FLG: variants seen among roughly 807,000 people sequenced by gnomAD.
FLG encodes filaggrin, also known as epidermal filaggrin.
Under a neutral mutation model 3.8 loss-of-function variants are expected in FLG, and 6 were observed. The ratio of observed to expected loss-of-function variants is 1.60; its 90% CI spans 0.87 to 3.15. The LOEUF is 3.15. FLG is among the 30% of genes most tolerant of loss of function. FLG has a pLI of 0.00. For missense variants in FLG, 7,595 were observed against 5,050.9 expected, an observed-to-expected ratio of 1.50 and a Z score of -15.27; for synonymous variants, 2,551 against 1,931.6, an observed-to-expected ratio of 1.32 and a Z score of -8.41.
rs1201781107 is a variant in FLG at position 152,304,760 on chromosome 1, A to C, written c.10126T>G (p.Ser3376Ala). The change falls in exon 3 of 3, where the codon TCA (serine) becomes GCA (alanine). Residue 3376 changes from serine (S) to alanine (A), a missense_variant. Ser to Ala is a moderately conservative substitution (Grantham distance 99). Transcript: ENST00000368799. ...QSHQESARDR[S>A]GGRSGRSGSF... is the part of the protein sequence containing the mutation. ...CCTGAACGTCCAGACCTTCCCCCTG[A>C]CCGGTCACGTGCGGACTCTTGGTGG... 3.7e-6 allele frequency: 6 copies of C among 1,612,348 alleles called. No individual in the cohort carries two copies. The highest frequency in any genetic ancestry group is 5.1e-6 in the Non-Finnish European group (6 of 1,179,634).
Position 152,310,207 on chromosome 1 carries a change from C to A in FLG, c.4679G>T (p.Arg1560Leu), listed in dbSNP as rs376401439. The A allele has an allele frequency of 5.6e-6, 9 of 1,613,584 alleles. No homozygotes were observed. Among genetic ancestry groups the A allele is most frequent in the African/African-American group, 2.7e-5 (2 of 74,828 alleles). ...SGDGSRHSGS[R>L]HHEPSTRAGS... is the part of the protein sequence containing the mutation. Reference sequence around the variant, plus strand: ...GGCCCGAGTGGAAGGTTCATGGTGACGTGACCCTGAGTGCCTGGAGCCGTC... The same window carrying A: ...GGCCCGAGTGGAAGGTTCATGGTGAAGTGACCCTGAGTGCCTGGAGCCGTC... The change falls in exon 3 of 3, where the codon CGT becomes CTT. Residue 1560 changes from arginine (R) to leucine (L), a missense_variant. Physicochemically the swap from Arg to Leu is moderately radical, Grantham distance 102 (BLOSUM62 -2). Transcript: ENST00000368799.
At position 152,311,736 on chromosome 1, in the gene FLG, C is replaced by T. The variant is rs149376159; in HGVS notation, c.3150G>A (p.Pro1050=). The stretch of plus-strand genomic sequence containing the variant: ...TGACTGCAGATGAAGCTTGTCTGCG[C>T]GGAATGCCTGAGTGTCTGGAGCTGT... ...SADSSRHSGI[P]RRQASSAVRD... is the part of the protein sequence containing the mutation. Residue 1050 remains proline (P), a synonymous_variant, in exon 3 of 3, where the codon CCG becomes CCA. Transcript: ENST00000368799. 67 of 1,613,906 alleles carry T rather than the reference C, an allele frequency of 4.2e-5. No individual in the cohort carries two copies. The East Asian group carries it at 7.8e-4, about 19-fold the overall frequency.
rs1451611611 is a variant in FLG, at chr1:152,315,352, T to C, written c.105A>G (p.Glu35=). 6.8e-6 allele frequency: 11 copies of C among 1,613,330 alleles called. No homozygotes were observed. Among genetic ancestry groups the C allele is most frequent in the Admixed American group, 1.7e-5 (1 of 59,998 alleles). The part of the protein sequence containing the change: ...TDTLSKKELK[E]LLEKEFRQIL... ...TTTGCCGAAATTCCTTTTCCAGAAG[T>C]TCCTTCAGCTCTTTTTTACTCAATG... Residue 35 remains glutamate (E), a synonymous_variant, in exon 2 of 3, where the codon GAA becomes GAG. Coordinates refer to ENST00000368799, the MANE Select transcript of FLG (RefSeq NM_002016.2).
chr1:152,320,343 TA>T (rs59475157), intron 1 of FLG, among the ~76,000 whole-genome samples: 1,726 of 150,756 alleles, frequency 0.011, 27 homozygotes, highest in African/African-American at 0.039. Context: ...CAGACTGGAT[TA>T]AAAAAAACCA....
rs763326024 is a variant in FLG at position 152,305,006 on chromosome 1, C to G, written c.9880G>C (p.Ala3294Pro). The G allele has an allele frequency of 1.2e-6, 2 of 1,613,736 alleles. No individual in the cohort carries two copies. Among genetic ancestry groups the G allele is most frequent in the South Asian group, 2.2e-5 (2 of 91,010 alleles). ...GGQAASSHEQ[A>P]RSSPGERHGS... is the part of the protein sequence containing the mutation. ...TGTCTCTCTCCTGGACTTGATCTTG[C>G]CTGTTCATGGGATGATGCAGCCTGT... Residue 3294 changes from alanine to proline, a missense_variant, in exon 3 of 3, where the codon GCA (alanine) becomes CCA (proline). By Grantham distance (27) the Ala-to-Pro change is conservative. Coordinates refer to ENST00000368799, the MANE Select transcript of FLG (RefSeq NM_002016.2).
At position 152,311,201 on chromosome 1, in the gene FLG, C is replaced by T. The variant is rs377533309; in HGVS notation, c.3685G>A (p.Gly1229Ser). 2.3e-5 allele frequency: 37 copies of T among 1,612,696 alleles called. No individual in the cohort carries two copies. The highest frequency in any genetic ancestry group is 5.4e-5 in the African/African-American group (4 of 74,496). Residue 1229 changes from glycine (G) to serine (S), a missense_variant, in exon 3 of 3, where the codon GGC (glycine) becomes AGC (serine). Coordinates refer to ENST00000368799, the MANE Select transcript of FLG (RefSeq NM_002016.2). ...QTRKDKQSGD[G>S]SRHSGSRHHE... ...TGACGTGACCCTGAGTGCCTGGAGCCGTCTCCTGATTGTTTGTCCTTACGA... is the reference window on the plus strand; with the variant it reads ...TGACGTGACCCTGAGTGCCTGGAGCTGTCTCCTGATTGTTTGTCCTTACGA...
At position 152,307,077 on chromosome 1, in the gene FLG, G is replaced by T. The variant is rs556307725; in HGVS notation, c.7809C>A (p.Ser2603=). 1 of 1,609,806 alleles carries T rather than the reference G, an allele frequency of 6.2e-7. No individual in the cohort carries two copies. The highest frequency in any genetic ancestry group is 2.2e-5 in the East Asian group (1 of 44,660). ...GSAQEQLRDG[S]RHPRSHQEDR... Reference sequence around the variant, plus strand: ...CTTCTTGATGGGACCTGGGGTGTCTGGAGCCATCTCTTAGCTGCTCCTGAG... The same window carrying T: ...CTTCTTGATGGGACCTGGGGTGTCTTGAGCCATCTCTTAGCTGCTCCTGAG... Residue 2603 remains serine (S), a synonymous_variant, in exon 3 of 3, where the codon TCC becomes TCA. Coordinates refer to ENST00000368799, the MANE Select transcript of FLG (RefSeq NM_002016.2).
rs1437394718 is a variant in FLG, at chr1:152,311,784, T to G, written c.3102A>C (p.Gly1034=). Residue 1034 remains glycine (G), a synonymous_variant, in exon 3 of 3, where the codon GGA becomes GGC. Transcript: ENST00000368799. ...TGTCTGCTGACTGCTGGTGGCGGGATCCGTGTCTTTCTCCTGGACTTGATC... is the reference window on the plus strand; with the variant it reads ...TGTCTGCTGACTGCTGGTGGCGGGAGCCGTGTCTTTCTCCTGGACTTGATC... ...QARSSPGERH[G]SRHQQSADSS... 6.2e-7 allele frequency: 1 copy of G among 1,613,996 alleles called. No individual in the cohort carries two copies. Among genetic ancestry groups the G allele is most frequent in the Non-Finnish European group, 8.5e-7 (1 of 1,180,016 alleles).
rs1189371852 is a variant in FLG at position 152,312,008 on chromosome 1, C to G, written c.2878G>C (p.Glu960Gln). 2 of 1,614,000 alleles carry G rather than the reference C, an allele frequency of 1.2e-6. No individual in the cohort carries two copies. Among genetic ancestry groups the G allele is most frequent in the African/African-American group, 1.3e-5 (1 of 74,918 alleles). The change falls in exon 3 of 3, where the codon GAG becomes CAG. Residue 960 changes from glutamate (E) to glutamine (Q), a missense_variant. By Grantham distance (29) the Glu-to-Gln change is conservative. Coordinates refer to ENST00000368799, the MANE Select transcript of FLG (RefSeq NM_002016.2). ...SDSEGHSEDSERWSGSASRNH... is the reference protein window; with the variant it reads ...SDSEGHSEDSQRWSGSASRNH... Reference sequence around the variant, plus strand: ...CTGGAAGCAGACCCAGACCACCTCTCAGAGTCTTCTGAATGTCCCTCACTG... The same window carrying G: ...CTGGAAGCAGACCCAGACCACCTCTGAGAGTCTTCTGAATGTCCCTCACTG...
At position 152,311,777 on chromosome 1, in the gene FLG, G is replaced by A. The variant is rs750184802; in HGVS notation, c.3109C>T (p.His1037Tyr). ...SSPGERHGSR[H>Y]QQSADSSRHS... ...CTGGAGCTGTCTGCTGACTGCTGGT[G>A]GCGGGATCCGTGTCTTTCTCCTGGA... Residue 1037 changes from histidine (H) to tyrosine (Y), a missense_variant, in exon 3 of 3, where the codon CAC becomes TAC. His to Tyr is a moderately conservative substitution (Grantham distance 83). Transcript: ENST00000368799. 20 of 1,613,972 alleles carry A rather than the reference G, an allele frequency of 1.2e-5. No homozygotes were observed. The highest frequency in any genetic ancestry group is 1.5e-5 in the Non-Finnish European group (18 of 1,180,014).
At chr1:152,323,769 C>T (rs1653055890) in intron 1 of FLG, among the ~76,000 whole-genome samples, 2 of 151,400 alleles carry the variant, frequency 1.3e-5, no homozygotes, top group African/African-American at 4.8e-5. Context: ...TAGCGATTTA[C>T]TCTTAGGAAT....
In FLG at chr1:152,304,653, T is replaced by G. The variant is rs1389202716; in HGVS notation, c.10233A>C (p.Gln3411His). Residue 3411 changes from glutamine (Q) to histidine (H), a missense_variant, in exon 3 of 3, where the codon CAA (glutamine) becomes CAC (histidine). By Grantham distance (24) the Gln-to-His change is conservative (BLOSUM62 0). Transcript: ENST00000368799. ...GRTRTSTGRR[Q>H]GSHHEQARDS... ...CTCGTGCCTGCTCGTGGTGGGATCC[T>G]TGTCTTCGTCCAGTGCTGGTCCTGG... 4 of 1,611,846 alleles carry G rather than the reference T, an allele frequency of 2.5e-6. No homozygotes were observed. The African/African-American group carries it at 5.4e-5, about 22-fold the overall frequency.
rs267598031 is a variant in FLG, at chr1:152,313,355, C to T, written c.1531G>A (p.Glu511Lys). Reference protein sequence around the residue: ...RDSSRHSASQEGQDTIRGHPG... With the variant: ...RDSSRHSASQKGQDTIRGHPG... The stretch of plus-strand genomic sequence containing the variant: ...TGTCCACGAATGGTGTCCTGACCCT[C>T]TTGGGACGCTGAATGCCTGGAGCTG... Residue 511 changes from glutamate (E) to lysine (K), a missense_variant, in exon 3 of 3, where the codon GAG becomes AAG. Transcript: ENST00000368799. 3.8e-5 allele frequency: 62 copies of T among 1,613,438 alleles called. No individual in the cohort carries two copies. The South Asian group carries it at 4.9e-4, about 13-fold the overall frequency.
At position 152,315,391 on chromosome 1, in the gene FLG, A is replaced by T. The variant is rs765977346; in HGVS notation, c.66T>A (p.Asp22Glu). The change falls in exon 2 of 3, where the codon GAT (aspartate) becomes GAA (glutamate). Residue 22 changes from aspartate to glutamate, a missense_variant. Transcript: ENST00000368799. The stretch of plus-strand genomic sequence containing the variant: ...TTTTACTCAATGTGTCAGTGTTTTT[A>T]TCTTTTTTTGAATATTGCTTGAAAA... ...INLFKQYSKK[D>E]KNTDTLSKKE... 6.2e-7 allele frequency: 1 copy of T among 1,612,436 alleles called. No individual in the cohort carries two copies. The highest frequency in any genetic ancestry group is 1.1e-5 in the South Asian group (1 of 90,756).
At position 152,307,321 on chromosome 1, in the gene FLG, T is replaced by G; in HGVS notation, c.7565A>C (p.Gln2522Pro). The change falls in exon 3 of 3, where the codon CAA (glutamine) becomes CCA (proline). Residue 2522 changes from glutamine to proline, a missense_variant. Transcript: ENST00000368799. ...TGAGTGCCTGGAGCCGTCTCCTGATTGTTCATCGTTACGAGTTTGTCTGCT... is the reference window on the plus strand; with the variant it reads ...TGAGTGCCTGGAGCCGTCTCCTGATGGTTCATCGTTACGAGTTTGTCTGCT... ...SASRQTRNDE[Q>P]SGDGSRHSGS... is the part of the protein sequence containing the mutation. The G allele has an allele frequency of 6.2e-7, 1 of 1,613,570 alleles. No individual in the cohort carries two copies. The highest frequency in any genetic ancestry group is 8.5e-7 in the Non-Finnish European group (1 of 1,179,954).
At chr1:152,316,881 C>T (rs1233513243) in intron 1 of FLG, among the ~76,000 whole-genome samples, 1 of 152,106 alleles carries the variant, frequency 6.6e-6, no homozygotes, top group Non-Finnish European at 1.5e-5. Flanking sequence ...TTTTCTTATA[C>T]CCACTGGCCA....
chr1:152,302,739 C>T lies in FLG; in HGVS notation c.12147G>A (p.Leu4049=), dbSNP rs760032456. The change falls in exon 3 of 3, where the codon CTG becomes CTA. Residue 4049 remains leucine (L), a synonymous_variant. Coordinates refer to ENST00000368799, the MANE Select transcript of FLG (RefSeq NM_002016.2). The part of the protein sequence containing the change: ...CGHSSDISKQ[L]GFSQSQRYYY... Reference sequence around the variant, plus strand: ...AGTATCTCTGTGACTGACTAAATCCCAGTTGTTTCGATATATCACTAGAAT... The same window carrying T: ...AGTATCTCTGTGACTGACTAAATCCTAGTTGTTTCGATATATCACTAGAAT... 13 of 1,614,026 alleles carry T rather than the reference C, an allele frequency of 8.1e-6. No homozygotes were observed. The East Asian group carries it at 2.9e-4, about 36-fold the overall frequency.
At position 152,305,148 on chromosome 1, in the gene FLG, C is replaced by A. The variant is rs777693168; in HGVS notation, c.9738G>T (p.Gln3246His). The change falls in exon 3 of 3, where the codon CAG (glutamine) becomes CAT (histidine). Residue 3246 changes from glutamine (Q) to histidine (H), a missense_variant. Gln to His is a conservative substitution (Grantham distance 24). Coordinates refer to ENST00000368799, the MANE Select transcript of FLG (RefSeq NM_002016.2). ...SRNHRGSVQE[Q>H]SRHGSRHPRS... ...TGGGGTGTCTGGAGCCGTGCCTTGACTGCTCCTGAACAGATCCACGATGGT... is the reference window on the plus strand; with the variant it reads ...TGGGGTGTCTGGAGCCGTGCCTTGAATGCTCCTGAACAGATCCACGATGGT... 6.2e-7 allele frequency: 1 copy of A among 1,613,950 alleles called. No individual in the cohort carries two copies. Among genetic ancestry groups the A allele is most frequent in the Admixed American group, 1.7e-5 (1 of 59,996 alleles).
At position 152,310,856 on chromosome 1, in the gene FLG, A is replaced by G. The variant is rs543741906; in HGVS notation, c.4030T>C (p.Ser1344Pro). The G allele has an allele frequency of 6.2e-7, 1 of 1,613,414 alleles. No individual in the cohort carries two copies. Among genetic ancestry groups the G allele is most frequent in the Non-Finnish European group, 8.5e-7 (1 of 1,179,796 alleles). Residue 1344 changes from serine (S) to proline (P), a missense_variant, in exon 3 of 3, where the codon TCA becomes CCA. Ser to Pro is a moderately conservative substitution (Grantham distance 74). Transcript: ENST00000368799. ...CTTGATCTTGCCTGTTCATGGGATG[A>G]CACAGCCTGTCCATGAGAGGAAGAC... Reference protein sequence around the residue: ...TESSSHGQAVSSHEQARSSPG... With the variant: ...TESSSHGQAVPSHEQARSSPG...
Sources: allele counts gnomAD v4.1 joint callset (sites outside exome capture counted in the v4.1 genomes callset), GRCh38; gene constraint gnomAD v4.1.1; transcripts MANE v1.5; gene names NCBI Gene and HGNC (gene_info 2026-07-23, HGNC 2026-07-21).